Variants in MYH1 observed in about 807,000 individuals in gnomAD.
The protein encoded by MYH1 is myosin heavy chain 1, also known as myosin-1.
Under a neutral mutation model 225.6 loss-of-function variants are expected in MYH1, and 214 were observed. That is an observed-to-expected ratio of 0.95 (90% CI 0.85 to 1.06). The LOEUF (loss-of-function observed/expected upper bound fraction) is 1.06, where lower values mean the gene tolerates loss of function less well. MYH1 is among the 50% of genes least tolerant of loss of function. The pLI is 0.00. For synonymous variants in MYH1, 774 were observed against 842.3 expected, an observed-to-expected ratio of 0.92 and a Z score of 1.40; for missense variants, 2,098 against 2,344.2, an observed-to-expected ratio of 0.89 and a Z score of 2.17.
At chr17:10,504,145 T>C (rs1175835043) in intron 22 of MYH1, among the ~76,000 whole-genome samples, 1 of 152,230 alleles carries the variant, frequency 6.6e-6, no homozygotes, top group African/African-American at 2.4e-5. Context: ...TTGAACTGTC[T>C]TGTTATTTGT....
chr17:10,502,577 T>C (rs2073069655), intron 24 of MYH1, among the ~76,000 whole-genome samples, 161 bp downstream of exon 24: 1 of 152,212 alleles, frequency 6.6e-6, no homozygotes, highest in South Asian at 2.1e-4. Flanking sequence ...AAAAACTTTA[T>C]TGTGTGTACA....
intron 14 of MYH1, among the ~76,000 whole-genome samples, chr17:10,510,429 A>T (rs1180876931): frequency 6.6e-6 from 1 of 152,204 alleles, no homozygotes; most frequent in Non-Finnish European, 1.5e-5. Flanking sequence ...GTGAGGAAAC[A>T]CTATTAGGGA....
Position 10,502,855 on chromosome 17 carries a change from C to T in MYH1, c.2994G>A (p.Lys998=), listed in dbSNP as rs2073072570. The change falls in exon 24 of 40, where the codon AAG becomes AAA. Residue 998 remains lysine (K), a synonymous_variant. Transcript: ENST00000226207. ...GGGCCTCCTGGAGAGCCTTCTTCTC[C>T]TTGGTCAGCTTAGCAATGGTTTCAT... ...GLDETIAKLT[K]EKKALQEAHQ... The T allele has an allele frequency of 6.2e-7, 1 of 1,614,044 alleles. No homozygotes were observed. The highest frequency in any genetic ancestry group is 1.3e-5 in the African/African-American group (1 of 74,998).
Position 10,501,229 on chromosome 17 carries a change from G to T in MYH1, c.3619C>A (p.Leu1207Ile). 6.2e-7 allele frequency: 1 copy of T among 1,614,158 alleles called. No homozygotes were observed. The highest frequency in any genetic ancestry group is 1.3e-5 in the African/African-American group (1 of 75,036). The change falls in exon 27 of 40, where the codon CTT becomes ATT. Residue 1207 changes from leucine (L) to isoleucine (I), a missense_variant. Transcript: ENST00000226207. Reference protein sequence around the residue: ...RKKHADSVAELGEQIDNLQRV... With the variant: ...RKKHADSVAEIGEQIDNLQRV... Reference sequence around the variant, plus strand: ...TGCAGGTTGTCAATCTGCTCCCCAAGCTCGGCCACACTATCTGCATGCTTC... The same window carrying T: ...TGCAGGTTGTCAATCTGCTCCCCAATCTCGGCCACACTATCTGCATGCTTC...
chr17:10,509,647 G>T lies in MYH1; in HGVS notation c.1425C>A (p.Ser475Arg). 1 of 1,614,166 alleles carries T rather than the reference G, an allele frequency of 6.2e-7. No individual in the cohort carries two copies. The change falls in exon 15 of 40, where the codon AGC becomes AGA. Residue 475 changes from serine to arginine, a missense_variant. Transcript: ENST00000226207. ...IAGFEIFDFN[S>R]LEQLCINFTN... ...TGAAGTTGATGCACAGCTGCTCCAG[G>T]CTGTTGAACTAAATGAGTTGAAAAT...
At position 10,499,175 on chromosome 17, in the gene MYH1, C is replaced by A. The variant is rs896110217; in HGVS notation, c.3866-83G>T. 49 of 1,248,298 alleles carry A rather than the reference C, an allele frequency of 3.9e-5. No individual in the cohort carries two copies. In the African/African-American group the frequency reaches 6.9e-4, roughly 18 times the overall value. The allele number at this position is 1,248,298 out of a possible 1,614,324, so 77.3% of individuals were successfully genotyped here. On this transcript the variant is annotated intron_variant, in intron 28 of 39. Coordinates refer to ENST00000226207, the MANE Select transcript of MYH1 (RefSeq NM_005963.4). ...TAAAAACTTGAGCAGGGAAAGGGAGCCAAGTTTGAAACTTGATGGAGGGCA... is the reference window on the plus strand; with the variant it reads ...TAAAAACTTGAGCAGGGAAAGGGAGACAAGTTTGAAACTTGATGGAGGGCA...
At chr17:10,492,847 T>TTG in intron 39 of MYH1, among the ~76,000 whole-genome samples, 1 of 55,828 alleles carries the variant, frequency 1.8e-5, no homozygotes, top group East Asian at 6.5e-3. Context: ...TCCAGCTTTG[T>TTG]TTTTTTTTTT....
chr17:10,501,453 G>A lies in MYH1; in HGVS notation c.3395C>T (p.Ser1132Phe). The A allele has an allele frequency of 1.9e-6, 3 of 1,614,242 alleles. No homozygotes were observed. The highest frequency in any genetic ancestry group is 2.5e-6 in the Non-Finnish European group (3 of 1,180,052). Residue 1132 changes from serine to phenylalanine, a missense_variant, in exon 27 of 40, where the codon TCC (serine) becomes TTC (phenylalanine). Physicochemically the swap from Ser to Phe is radical, Grantham distance 155. Coordinates refer to ENST00000226207, the MANE Select transcript of MYH1 (RefSeq NM_005963.4). Reference protein sequence around the residue: ...LEEEIEAERASRAKAEKQRSD... With the variant: ...LEEEIEAERAFRAKAEKQRSD... The stretch of plus-strand genomic sequence containing the variant: ...GCGCTGCTTCTCTGCTTTGGCCCGG[G>A]AGGCCCGCTCTGCCTCGATTTCCTC...
At chr17:10,492,688 A>C in intron 39 of MYH1, 120 bp from the exon 40 acceptor site, 1 of 1,120,216 alleles carries the variant, frequency 8.9e-7, no homozygotes, top group East Asian at 2.7e-5. Flanking sequence ...ATTTTAAGAA[A>C]CCTAGAGAAA....
At position 10,506,058 on chromosome 17, in the gene MYH1, G is replaced by A. The variant is rs374684877; in HGVS notation, c.2010C>T (p.His670=). 3.8e-5 allele frequency: 62 copies of A among 1,614,218 alleles called. No homozygotes were observed. The East Asian group carries it at 1.1e-3, about 30-fold the overall frequency. ...NKLMTNLRST[H]PHFVRCIIPN... Reference sequence around the variant, plus strand: ...GGATGATGCACCGCACAAAGTGGGGGTGAGTGCTCCTCAAGTTGGTCATCA... The same window carrying A: ...GGATGATGCACCGCACAAAGTGGGGATGAGTGCTCCTCAAGTTGGTCATCA... Residue 670 remains histidine, a synonymous_variant, in exon 18 of 40, where the codon CAC becomes CAT. Transcript: ENST00000226207.
At chr17:10,494,831 C>T (rs2072970844) in intron 37 of MYH1, 100 bp downstream of exon 37, 1 of 1,603,926 alleles carries the variant, frequency 6.2e-7, no homozygotes, top group Non-Finnish European at 8.5e-7. Flanking sequence ...ATAGCTCTCC[C>T]TCATCTCAGT....
At chr17:10,510,702 C>T (rs967927488) in intron 14 of MYH1, among the ~76,000 whole-genome samples, 1 of 152,022 alleles carries the variant, frequency 6.6e-6, no homozygotes. Context: ...TCACAAAGAC[C>T]ACATATTATC....
chr17:10,505,683 A>T (rs2073104283), intron 19 of MYH1, 129 bp downstream of exon 19: 1 of 1,396,110 alleles, frequency 7.2e-7, no homozygotes, highest in East Asian at 2.4e-5. Context: ...TCTTATGTCA[A>T]TATGGAGTTT....
intron 5 of MYH1, among the ~76,000 whole-genome samples, chr17:10,515,547 C>A (rs1452625461): frequency 6.6e-6 from 1 of 152,112 alleles, no homozygotes; most frequent in Non-Finnish European, 1.5e-5. Flanking sequence ...GAAACTGAGG[C>A]ACCAAAAGGA....
rs769601629 is a variant in MYH1, at chr17:10,508,466, G to T, written c.1794C>A (p.Asp598Glu). Residue 598 changes from aspartate to glutamate, a missense_variant, in exon 16 of 40, where the codon GAC (aspartate) becomes GAA (glutamate). Asp to Glu is a conservative substitution (Grantham distance 45, BLOSUM62 2). Transcript: ENST00000226207. ...TCTCATTCAGGGGGTCCTTGTTCTT[G>T]TCAAGCCAGCCGGCAATGTTGTAGT... ...TVDYNIAGWL[D>E]KNKDPLNETV... 1.9e-6 allele frequency: 3 copies of T among 1,614,190 alleles called. No individual in the cohort carries two copies. Among genetic ancestry groups the T allele is most frequent in the South Asian group, 2.2e-5 (2 of 91,080 alleles).
Position 10,503,090 on chromosome 17 carries a change from T to C in MYH1, c.2850A>G (p.Glu950=). 4 of 1,612,734 alleles carry C rather than the reference T, an allele frequency of 2.5e-6. No homozygotes were observed. The highest frequency in any genetic ancestry group is 3.4e-6 in the Non-Finnish European group (4 of 1,178,856). The part of the protein sequence containing the change: ...LTAKKRKLED[E]CSELKKDIDD... The stretch of plus-strand genomic sequence containing the variant: ...CAATGTCTTTCTTGAGTTCTGAACA[T>C]TCATCCTCCAGTTTCCTCTTCTTGG... Residue 950 remains glutamate, a synonymous_variant, in exon 23 of 40, where the codon GAA becomes GAG. Transcript: ENST00000226207.
In MYH1 at chr17:10,497,778, C is replaced by T. The variant is rs781431071; in HGVS notation, c.4321G>A (p.Ala1441Thr). 1 of 1,614,148 alleles carries T rather than the reference C, an allele frequency of 6.2e-7. No homozygotes were observed. The highest frequency in any genetic ancestry group is 1.7e-5 in the Admixed American group (1 of 60,006). ...DLMIDVERTN[A>T]ACAALDKKQR... ...TTTTTGTCCAGGGCGGCACAGGCAG[C>T]ATTTGTCCTCTCAACATCAATCATG... Residue 1441 changes from alanine (A) to threonine (T), a missense_variant, in exon 31 of 40, where the codon GCT becomes ACT. Coordinates refer to ENST00000226207, the MANE Select transcript of MYH1 (RefSeq NM_005963.4).
chr17:10,515,983 C>T lies in MYH1; in HGVS notation c.448G>A (p.Glu150Lys), dbSNP rs1489348825. The T allele has an allele frequency of 1.9e-6, 3 of 1,614,118 alleles. No homozygotes were observed. The highest frequency in any genetic ancestry group is 2.5e-6 in the Non-Finnish European group (3 of 1,180,016). ...ATGGAGAAGATGTGGGGTGGGGCCTCCTGGCGCTTTTTGCCTCGGTAGGCT... is the reference window on the plus strand; with the variant it reads ...ATGGAGAAGATGTGGGGTGGGGCCTTCTGGCGCTTTTTGCCTCGGTAGGCT... ...VTAYRGKKRQ[E>K]APPHIFSISD... Residue 150 changes from glutamate (E) to lysine (K), a missense_variant, in exon 5 of 40, where the codon GAG (glutamate) becomes AAG (lysine). By Grantham distance (56) the Glu-to-Lys change is moderately conservative. Transcript: ENST00000226207.
Position 10,516,624 on chromosome 17 carries a change from TCTCA to T in MYH1, c.15_18del (p.Glu6TrpfsTer42). ...GGAGCAGCCTCCCCAAAAATGGCCA[TCTCA>T]GAGTCGGAACTCATGGCTGCAGGTT... On this transcript the variant is annotated frameshift_variant, in exon 3 of 40. Coordinates refer to ENST00000226207, the MANE Select transcript of MYH1 (RefSeq NM_005963.4). LOFTEE classifies it high-confidence loss of function. The T allele has an allele frequency of 6.2e-7, 1 of 1,614,166 alleles. No homozygotes were observed. The highest frequency in any genetic ancestry group is 1.1e-5 in the South Asian group (1 of 91,082).
Sources: gnomAD v4.1 joint callset for allele counts (sites outside exome capture counted in the v4.1 genomes callset) on GRCh38, gnomAD v4.1.1 for gene constraint, MANE v1.5 for transcripts, NCBI Gene and HGNC (gene_info 2026-07-23, HGNC 2026-07-21) for gene names.